Variants in CADM1 observed in about 807,000 individuals in gnomAD.
CADM1 encodes the protein TSLC-1.
A neutral mutation model predicts 53.1 loss-of-function variants in CADM1; 15 were observed. The observed-to-expected ratio is 0.28, with a 90% CI of 0.19 to 0.44. The LOEUF is 0.44. Among genes scored for constraint, CADM1 ranks in the 20% least tolerant of loss-of-function variants. The probability of loss-of-function intolerance (pLI) is 1.00; values close to 1 mark genes in which losing one functional copy is unlikely to be tolerated. For missense variants in CADM1, 434 were observed against 611.3 expected, an observed-to-expected ratio of 0.71 and a Z score of 3.06; for synonymous variants, 281 against 243.0, an observed-to-expected ratio of 1.16 and a Z score of -1.45.
At chr11:115,281,357 G>C (rs1273290759) in intron 1 of CADM1, among the ~76,000 whole-genome samples, 2 of 152,126 alleles carry the variant, frequency 1.3e-5, no homozygotes, top group African/African-American at 2.4e-5. Context: ...TAATTTTAGG[G>C]AACTGTCCCC....
chr11:115,214,789 G>A lies in CADM1; in HGVS notation c.822-9C>T, dbSNP rs759894935. The stretch of plus-strand genomic sequence containing the variant: ...AAGTTACCATCACAGGCCTGCAGGG[G>A]GAAGGGGAGGAAGACAAGTCACATT... On this transcript the variant is annotated splice_polypyrimidine_tract_variant and intron_variant, in intron 6 of 11. Coordinates refer to ENST00000331581, the MANE Select transcript of CADM1 (RefSeq NM_001301043.2). 2 of 1,613,400 alleles carry A rather than the reference G, an allele frequency of 1.2e-6. No homozygotes were observed. The highest frequency in any genetic ancestry group is 1.7e-6 in the Non-Finnish European group (2 of 1,179,654).
At chr11:115,440,557 A>C (rs79553024) in intron 1 of CADM1, among the ~76,000 whole-genome samples, 1,752 of 152,332 alleles carry the variant, frequency 0.012, 40 homozygotes, top group African/African-American at 0.039. Flanking sequence ...CAGAGATAAG[A>C]ACTGTTCCTC....
intron 1 of CADM1, among the ~76,000 whole-genome samples, chr11:115,400,242 A>C (rs1223852367): frequency 1.3e-5 from 2 of 152,164 alleles, no homozygotes; most frequent in African/African-American, 2.4e-5. Context: ...TCTGTGTTCT[A>C]CATCAGGATA....
At chr11:115,494,150 A>G (rs1949559809) in intron 1 of CADM1, among the ~76,000 whole-genome samples, 1 of 152,114 alleles carries the variant, frequency 6.6e-6, no homozygotes, top group Admixed American at 6.6e-5. Context: ...AGAGAGAGAA[A>G]GCAAATGGGG....
At chr11:115,286,460 A>G (rs774240639) in intron 1 of CADM1, among the ~76,000 whole-genome samples, 1 of 152,216 alleles carries the variant, frequency 6.6e-6, no homozygotes, top group East Asian at 1.9e-4. Context: ...ACTGATTACT[A>G]TATGCATTTT....
At chr11:115,324,371 T>G (rs748867008) in intron 1 of CADM1, among the ~76,000 whole-genome samples, 21 of 152,114 alleles carry the variant, frequency 1.4e-4, no homozygotes, top group South Asian at 8.3e-4. Context: ...ACAATAAAAA[T>G]GATGATTTTG....
intron 1 of CADM1, among the ~76,000 whole-genome samples, chr11:115,433,491 C>G (rs1948107190): frequency 6.6e-6 from 1 of 152,078 alleles, no homozygotes; most frequent in South Asian, 2.1e-4. Context: ...GGGAGTTTTA[C>G]CGAAAACGGC....
chr11:115,429,336 G>A (rs970127219), intron 1 of CADM1, among the ~76,000 whole-genome samples: 8 of 152,038 alleles, frequency 5.3e-5, no homozygotes, highest in Non-Finnish European at 7.4e-5. Flanking sequence ...GGCTGGGCGC[G>A]GTGGCTCATG....
intron 1 of CADM1, among the ~76,000 whole-genome samples, chr11:115,243,205 C>A (rs1041963311): frequency 6.6e-6 from 1 of 152,190 alleles, no homozygotes; most frequent in Non-Finnish European, 1.5e-5. Context: ...TGTGCTCTGG[C>A]ACATAATGCG....
At chr11:115,250,755 A>C (rs1289628992) in intron 1 of CADM1, among the ~76,000 whole-genome samples, 1 of 152,150 alleles carries the variant, frequency 6.6e-6, no homozygotes, top group Non-Finnish European at 1.5e-5. Context: ...TTTAAACCTC[A>C]CAACAATCTT....
intron 4 of CADM1, 52 bp downstream of exon 4, chr11:115,231,301 A>G (rs929433705): frequency 2.4e-5 from 39 of 1,595,720 alleles, no homozygotes; most frequent in Non-Finnish European, 2.8e-5. Context: ...TCACAAAGGC[A>G]TATCTGCTAG....
intron 1 of CADM1, among the ~76,000 whole-genome samples, chr11:115,338,466 C>T (rs922172590): frequency 2.0e-5 from 3 of 152,128 alleles, no homozygotes; most frequent in Non-Finnish European, 4.4e-5. Context: ...ACTTAAAGAA[C>T]TAATATCTAA....
chr11:115,444,145 G>A (rs1487492908), intron 1 of CADM1, among the ~76,000 whole-genome samples: 1 of 151,844 alleles, frequency 6.6e-6, no homozygotes, highest in Non-Finnish European at 1.5e-5. Context: ...GAAAACCAAA[G>A]TAAATCCCAA....
At chr11:115,319,240 G>A (rs12577709) in intron 1 of CADM1, among the ~76,000 whole-genome samples, 42 of 152,070 alleles carry the variant, frequency 2.8e-4, no homozygotes, top group Admixed American at 1.2e-3. Context: ...GAAGTGTTGC[G>A]TGGGTTGGAA....
chr11:115,350,826 T>C (rs1399679344), intron 1 of CADM1, among the ~76,000 whole-genome samples: 2 of 151,840 alleles, frequency 1.3e-5, no homozygotes, highest in Non-Finnish European at 2.9e-5. Flanking sequence ...TTATTCTTTC[T>C]AAGCCATATA....
intron 1 of CADM1, among the ~76,000 whole-genome samples, chr11:115,274,741 G>A (rs767545292): frequency 2.6e-5 from 4 of 152,164 alleles, no homozygotes; most frequent in Non-Finnish European, 5.9e-5. Context: ...TTCTTTACAG[G>A]CTGGATGCTT....
At chr11:115,479,453 A>G (rs576063862) in intron 1 of CADM1, among the ~76,000 whole-genome samples, 2 of 152,254 alleles carry the variant, frequency 1.3e-5, no homozygotes, top group East Asian at 3.9e-4. Flanking sequence ...CCCATCACAC[A>G]TAGAGCTTCA....
intron 5 of CADM1, among the ~76,000 whole-genome samples, chr11:115,223,972 AAAGAG>A (rs1488898817): frequency 4.7e-5 from 3 of 63,456 alleles, no homozygotes; most frequent in African/African-American, 5.9e-5. Context: ...AAAAAAAAAA[AAAGAG>A]AGAGAGAGAG....
chr11:115,234,858 A>C (rs1941953676), intron 3 of CADM1, among the ~76,000 whole-genome samples: 1 of 129,234 alleles, frequency 7.7e-6, no homozygotes, highest in South Asian at 2.6e-4. Flanking sequence ...ACGCCATTGC[A>C]CTCCAGCCTG....
Sources: allele counts gnomAD v4.1 joint callset (sites outside exome capture counted in the v4.1 genomes callset), GRCh38; gene constraint gnomAD v4.1.1; transcripts MANE v1.5; gene names NCBI Gene and HGNC (gene_info 2026-07-23, HGNC 2026-07-21).